The following IDO2 variants were observed in gnomAD, a reference collection of about 807,000 sequenced individuals.
The protein encoded by IDO2 is indoleamine 2,3-dioxygenase-like 1 protein.
In IDO2, 46 loss-of-function variants were observed where a neutral mutation model predicts 45.1. That is an observed-to-expected ratio of 1.02 (90% CI 0.80 to 1.30). IDO2 has a LOEUF of 1.30. IDO2 is among the 50% of genes most tolerant of loss of function. The pLI, the probability that IDO2 is intolerant of heterozygous loss-of-function variation, is 0.00. For missense variants in IDO2, 544 were observed against 491.8 expected (o/e 1.11, Z -1.00); for synonymous variants, 218 against 184.9 (o/e 1.18, Z -1.45).
intron 1 of IDO2, among the ~76,000 whole-genome samples, chr8:39,944,407 C>T (rs1001700759): frequency 6.6e-6 from 1 of 152,114 alleles, no homozygotes; most frequent in Non-Finnish European, 1.5e-5. Flanking sequence ...TTAGACTCCC[C>T]GTTTTCCTTT....
At chr8:39,985,764 AT>A (rs1345105452) in intron 6 of IDO2, 4 of 466,484 alleles carry the variant, frequency 8.6e-6, no homozygotes, top group Non-Finnish European at 1.5e-5. Flanking sequence ...TCTGTACATA[AT>A]AAAACAAGTA....
intron 4 of IDO2, among the ~76,000 whole-genome samples, chr8:39,982,101 C>T (rs1313035054): frequency 2.0e-5 from 3 of 152,062 alleles, no homozygotes; most frequent in Admixed American, 6.6e-5. Flanking sequence ...CTGCATCTAG[C>T]TTTGTATCTC....
chr8:39,995,303 T>G (rs1802025702), intron 8 of IDO2: 1 of 113,794 alleles, frequency 8.8e-6, no homozygotes, highest in Non-Finnish European at 2.0e-5. Flanking sequence ...TTTTTTGAGA[T>G]GGAGTCTTGC....
chr8:39,968,269 C>A (rs900668763), intron 3 of IDO2, among the ~76,000 whole-genome samples: 1 of 152,074 alleles, frequency 6.6e-6, no homozygotes, highest in African/African-American at 2.4e-5. Flanking sequence ...AGATGTCAGG[C>A]CTATATTGTA....
intron 9 of IDO2, among the ~76,000 whole-genome samples, chr8:40,012,207 G>GA (rs112715945): frequency 3.3e-5 from 5 of 151,888 alleles, no homozygotes; most frequent in African/African-American, 1.2e-4. Flanking sequence ...TAGAATTATA[G>GA]AAAAAAAATG....
intron 3 of IDO2, among the ~76,000 whole-genome samples, chr8:39,965,376 A>G (rs1313107067): frequency 6.6e-6 from 1 of 152,134 alleles, no homozygotes; most frequent in African/African-American, 2.4e-5. Flanking sequence ...AGTCCCAGCT[A>G]TTTGGGAGGC....
chr8:39,980,695 A>T (rs553016369), intron 4 of IDO2, among the ~76,000 whole-genome samples: 3 of 152,298 alleles, frequency 2.0e-5, no homozygotes, highest in South Asian at 4.1e-4. Flanking sequence ...CTCAGGGAAG[A>T]GGAAAAGTGT....
At chr8:39,994,141 A>T (rs1470598520) in intron 8 of IDO2, among the ~76,000 whole-genome samples, 1 of 152,250 alleles carries the variant, frequency 6.6e-6, no homozygotes, top group Non-Finnish European at 1.5e-5. Context: ...AATGGTATTT[A>T]TTAAAATATT....
intron 8 of IDO2, 34 bp downstream of exon 8, chr8:39,989,872 CA>C: frequency 3.5e-6 from 5 of 1,445,290 alleles, no homozygotes; most frequent in Non-Finnish European, 4.8e-6. Flanking sequence ...AAGGATCCCC[CA>C]GGGGTCCTGG....
intron 2 of IDO2, among the ~76,000 whole-genome samples, chr8:39,957,098 C>T (rs945164228): frequency 8.1e-5 from 12 of 148,942 alleles, no homozygotes; most frequent in Non-Finnish European, 1.5e-4. Context: ...AAATAATCCT[C>T]ACAATAGTCT....
At chr8:40,013,093 G>C (rs1196017097) in intron 9 of IDO2, among the ~76,000 whole-genome samples, 2 of 152,106 alleles carry the variant, frequency 1.3e-5, no homozygotes, top group Non-Finnish European at 2.9e-5. Context: ...GTGTTCATCT[G>C]TGTGTATCTG....
chr8:39,964,003 A>T (rs1199709035), intron 3 of IDO2, among the ~76,000 whole-genome samples: 1 of 152,242 alleles, frequency 6.6e-6, no homozygotes, highest in African/African-American at 2.4e-5. Context: ...TGGACAAGGT[A>T]TCGCCTAAGA....
chr8:39,942,424 A>G (rs1449645215), intron 1 of IDO2, among the ~76,000 whole-genome samples: 3 of 152,178 alleles, frequency 2.0e-5, no homozygotes, highest in Non-Finnish European at 4.4e-5. Flanking sequence ...CAGGCAGATC[A>G]CCAGAGGTCA....
At chr8:39,945,698 C>T (rs887962758) in intron 1 of IDO2, among the ~76,000 whole-genome samples, 2 of 152,140 alleles carry the variant, frequency 1.3e-5, no homozygotes, top group Admixed American at 6.5e-5. Context: ...CAAGTTAACT[C>T]TGGGACCCTC....
At chr8:39,981,218 CG>C (rs201372215) in intron 4 of IDO2, among the ~76,000 whole-genome samples, 2,542 of 152,094 alleles carry the variant, frequency 0.017, 74 homozygotes, top group African/African-American at 0.059. Flanking sequence ...CCCACCACAA[CG>C]CCTGGCTAAT....
At position 39,936,041 on chromosome 8, in the gene IDO2, A is replaced by G. The variant is rs1413671952; in HGVS notation, c.-18+823A>G. Among the ~76,000 whole-genome samples, 3 of 152,186 alleles carry G rather than the reference A, an allele frequency of 2.0e-5. No individual in the cohort carries two copies. In the East Asian group the frequency reaches 5.8e-4, roughly 29 times the overall value. Reference sequence around the variant, plus strand: ...AGGGATGGAGATATTATTACAATGTATTATCCAAATGATGGAAGTTTTCTC... The same window carrying G: ...AGGGATGGAGATATTATTACAATGTGTTATCCAAATGATGGAAGTTTTCTC... On this transcript the variant is annotated intron_variant, in intron 1 of 10. Coordinates refer to ENST00000502986, the Ensembl canonical transcript of IDO2.
At chr8:39,987,636 T>C (rs1483506735) in intron 6 of IDO2, 5 of 480,514 alleles carry the variant, frequency 1.0e-5, no homozygotes, top group Non-Finnish European at 1.9e-5. Context: ...ATTAGGGCCA[T>C]GCTAGACATT....
intron 3 of IDO2, among the ~76,000 whole-genome samples, chr8:39,976,766 C>T (rs763092905): frequency 2.6e-5 from 4 of 152,094 alleles, no homozygotes; most frequent in Non-Finnish European, 5.9e-5. Context: ...AGCTGAGTAG[C>T]ATTAAGAAAA....
At chr8:40,005,763 T>G (rs1420409353) in intron 9 of IDO2, among the ~76,000 whole-genome samples, 1 of 152,162 alleles carries the variant, frequency 6.6e-6, no homozygotes. Flanking sequence ...CATCGAAGCT[T>G]TCTTCTAAAG....
Sources: gnomAD v4.1 joint callset for allele counts (sites outside exome capture counted in the v4.1 genomes callset) on GRCh38, gnomAD v4.1.1 for gene constraint, MANE v1.5 for transcripts, NCBI Gene and HGNC (gene_info 2026-07-23, HGNC 2026-07-21) for gene names.